Variants in ADGRG4 observed in about 807,000 individuals in gnomAD.
ADGRG4 encodes the protein G protein-coupled receptor 112.
Under a neutral mutation model 126.2 loss-of-function variants are expected in ADGRG4, and 122 were observed. The ratio of observed to expected loss-of-function variants is 0.97; its 90% CI spans 0.83 to 1.12. ADGRG4 has a LOEUF of 1.12. Among genes scored for constraint, ADGRG4 ranks in the 50% most tolerant of loss-of-function variants. The probability of loss-of-function intolerance (pLI) is 0.00; values close to 1 mark genes in which losing one functional copy is unlikely to be tolerated. For missense variants in ADGRG4, 2,481 were observed against 2,251.8 expected (o/e 1.10, Z -2.06); for synonymous variants, 943 against 838.7 (o/e 1.12, Z -2.15).
chrX:136,397,495 T>TA (rs2075356668), intron 19 of ADGRG4, among the ~76,000 whole-genome samples: 1 of 93,814 alleles, frequency 1.1e-5, no homozygotes, highest in Non-Finnish European at 2.0e-5. Flanking sequence ...AAAGGACTTT[T>TA]TTTTTTTTTT....
chrX:136,312,984 G>A (rs1235955519), intron 4 of ADGRG4, among the ~76,000 whole-genome samples: 3 of 112,355 alleles, frequency 2.7e-5, no homozygotes, highest in Non-Finnish European at 5.6e-5. Flanking sequence ...GCATGCATCA[G>A]CAGTTCATTT....
At chrX:136,395,585 G>T (rs933312616) in intron 19 of ADGRG4, 92 bp downstream of exon 19, 6 of 451,355 alleles carry the variant, frequency 1.3e-5, no homozygotes, top group Non-Finnish European at 2.2e-5. Context: ...AAAATGGTAT[G>T]CATTTGGAAA....
At chrX:136,371,650 A>T in intron 14 of ADGRG4, 106 bp downstream of exon 14, 1 of 454,587 alleles carries the variant, frequency 2.2e-6, no homozygotes, top group Non-Finnish European at 3.6e-6. Context: ...ACAACCATAG[A>T]TTGAAAATAT....
chrX:136,387,609 G>A, intron 15 of ADGRG4, 131 bp from the exon 16 acceptor site: 2 of 527,197 alleles, frequency 3.8e-6, no homozygotes, highest in East Asian at 3.5e-5. Context: ...GTGTATCATC[G>A]CTTATGGAGC....
Position 136,310,963 on chromosome X carries a change from G to A in ADGRG4, c.70+2116G>A, listed in dbSNP as rs57086166. On this transcript the variant is annotated intron_variant, in intron 4 of 25. Transcript: ENST00000394143. ...TATAGATTGGATGATTTAAACCATG[G>A]GCATTTATTTCTCATGTTTCTGGAG... Among the ~76,000 whole-genome samples the A allele has an allele frequency of 3.3e-3, 363 of 111,223 alleles. 6 individuals carry two copies. In the East Asian group the frequency reaches 0.057, roughly 17 times the overall value.
chrX:136,308,254 C>T (rs1193669980), intron 3 of ADGRG4, among the ~76,000 whole-genome samples: 1 of 111,990 alleles, frequency 8.9e-6, no homozygotes, highest in African/African-American at 3.2e-5. Flanking sequence ...CAGGTGCCCG[C>T]CAGCATGCCC....
At chrX:136,312,674 A>G (rs1404824157) in intron 4 of ADGRG4, among the ~76,000 whole-genome samples, 1 of 112,001 alleles carries the variant, frequency 8.9e-6, no homozygotes, top group Admixed American at 9.5e-5. Flanking sequence ...CTGAAATATA[A>G]TTTACATACC....
At chrX:136,336,649 T>C (rs2074949991) in intron 5 of ADGRG4, among the ~76,000 whole-genome samples, 1 of 111,685 alleles carries the variant, frequency 9.0e-6, no homozygotes, top group African/African-American at 3.2e-5. Flanking sequence ...AATATTATTA[T>C]AGCCATTTTT....
intron 25 of ADGRG4, 43 bp downstream of exon 25, chrX:136,414,370 A>C: frequency 9.5e-7 from 1 of 1,057,826 alleles, no homozygotes; most frequent in Non-Finnish European, 1.3e-6. Context: ...TATTCCAGAG[A>C]TATTGAATTA....
intron 24 of ADGRG4, 94 bp downstream of exon 24, chrX:136,412,460 T>A: frequency 1.8e-6 from 1 of 558,558 alleles, no homozygotes; most frequent in Non-Finnish European, 3.1e-6. Flanking sequence ...TTACAGCATA[T>A]CAGCATCAAA....
At chrX:136,329,591 C>T (rs2074895811) in intron 5 of ADGRG4, among the ~76,000 whole-genome samples, 1 of 111,792 alleles carries the variant, frequency 8.9e-6, no homozygotes, top group Admixed American at 9.5e-5. Context: ...AGGATGGAGG[C>T]CTGACCTCAT....
At chrX:136,321,382 C>A (rs1043420027) in intron 4 of ADGRG4, among the ~76,000 whole-genome samples, 2 of 111,108 alleles carry the variant, frequency 1.8e-5, no homozygotes, top group Non-Finnish European at 3.8e-5. Context: ...TGGAAAATGT[C>A]CACTAGAGGA....
At position 136,351,540 on chromosome X, in the gene ADGRG4, C is replaced by A; in HGVS notation, c.6821C>A (p.Ser2274Ter). ...GTTATAAATGAATTTACGGAAAATTCGGTAAAATAATCTTTTGCATATTTA... is the reference window on the plus strand; with the variant it reads ...GTTATAAATGAATTTACGGAAAATTAGGTAAAATAATCTTTTGCATATTTA... ...TSVINEFTEN[S>*]LNSIFQNSEF... Residue 2274 changes from serine to a stop codon, truncating the protein, a stop_gained and splice_region_variant, in exon 7 of 26, where the codon TCG becomes TAG. Transcript: ENST00000394143. LOFTEE classifies it high-confidence loss of function. 2 of 1,021,602 alleles carry A rather than the reference C, an allele frequency of 2.0e-6. No homozygotes were observed. The highest frequency in any genetic ancestry group is 2.6e-5 in the Admixed American group (1 of 38,221). 84.2% of individuals were successfully genotyped at this position (1,021,602 alleles called of 1,213,427 possible).
intron 17 of ADGRG4, among the ~76,000 whole-genome samples, chrX:136,393,087 GA>G (rs2075328103): frequency 8.9e-6 from 1 of 111,912 alleles, no homozygotes; most frequent in Non-Finnish European, 1.9e-5. Context: ...GTTTCCTGGA[GA>G]CTACAGGAGC....
intron 3 of ADGRG4, 84 bp downstream of exon 3, chrX:136,305,107 G>A (rs1461363136): frequency 1.8e-5 from 2 of 112,024 alleles, no homozygotes; most frequent in African/African-American, 6.5e-5. Context: ...TCACACAGGT[G>A]GGACTCAAAC....
intron 5 of ADGRG4, among the ~76,000 whole-genome samples, chrX:136,331,720 A>G (rs2074911209): frequency 9.0e-6 from 1 of 111,513 alleles, no homozygotes; most frequent in African/African-American, 3.3e-5. Flanking sequence ...TCCTGTGTTC[A>G]TCAGTGAAAT....
rs2075012495 is a variant in ADGRG4 at position 136,345,832 on chromosome X, C to T, written c.2126C>T (p.Pro709Leu). The change falls in exon 6 of 26, where the codon CCA becomes CTA. Residue 709 changes from proline to leucine, a missense_variant. Coordinates refer to ENST00000394143, the MANE Select transcript of ADGRG4 (RefSeq NM_153834.4). Reference sequence around the variant, plus strand: ...AATATCACCCCACTGAAAGCATCTCCAGAGGGCAAAGGTACCACTGCCAAT... The same window carrying T: ...AATATCACCCCACTGAAAGCATCTCTAGAGGGCAAAGGTACCACTGCCAAT... ...TTNITPLKAS[P>L]EGKGTTANDA... 3 of 1,210,788 alleles carry T rather than the reference C, an allele frequency of 2.5e-6. No homozygotes were observed. The African/African-American group carries it at 5.2e-5, about 21-fold the overall frequency.
intron 23 of ADGRG4, among the ~76,000 whole-genome samples, chrX:136,406,680 G>A (rs1459268652): frequency 2.7e-5 from 3 of 111,866 alleles, no homozygotes; most frequent in Admixed American, 9.4e-5. Context: ...TTTGGAGGCC[G>A]AGGCAGGCAG....
chrX:136,331,903 G>C (rs866229885), intron 5 of ADGRG4, among the ~76,000 whole-genome samples: 190 of 105,530 alleles, frequency 1.8e-3, no homozygotes, highest in Middle Eastern at 0.014. Context: ...TGCAAGCTCC[G>C]CCTCCCGGGG....
Sources: gnomAD v4.1 joint callset for allele counts (sites outside exome capture counted in the v4.1 genomes callset) on GRCh38, gnomAD v4.1.1 for gene constraint, MANE v1.5 for transcripts, NCBI Gene and HGNC (gene_info 2026-07-23, HGNC 2026-07-21) for gene names.